The following ZFHX3 variants were observed in gnomAD, a reference collection of about 807,000 sequenced individuals.
ZFHX3 encodes the protein zinc finger homeobox protein 3.
In ZFHX3, 42 loss-of-function variants were observed where a neutral mutation model predicts 279.1. That is an observed-to-expected ratio of 0.15 (90% confidence interval 0.12 to 0.19). The LOEUF (loss-of-function observed/expected upper bound fraction) is 0.19, where lower values mean the gene tolerates loss of function less well. ZFHX3 is among the 10% of genes least tolerant of loss of function. The pLI is 1.00. For missense variants in ZFHX3, 4,981 were observed against 4,754.0 expected (o/e 1.05, Z -1.40); for synonymous variants, 2,293 against 1,957.8 (o/e 1.17, Z -4.52).
At chr16:73,170,472 C>T (rs1398581578) in intron 5 of ZFHX3, among the ~76,000 whole-genome samples, 5 of 151,930 alleles carry the variant, frequency 3.3e-5, no homozygotes, top group Non-Finnish European at 7.4e-5. Flanking sequence ...TCAGGTGATC[C>T]GCCTGCCTCG....
intron 1 of ZFHX3, among the ~76,000 whole-genome samples, chr16:73,707,753 TAA>T (rs67816114): frequency 6.1e-5 from 9 of 147,984 alleles, no homozygotes; most frequent in Non-Finnish European, 8.9e-5. Flanking sequence ...TAATAAAATT[TAA>T]AAAAAAAAAC....
chr16:73,863,267 G>T (rs145685849), intron 1 of ZFHX3, among the ~76,000 whole-genome samples: 3 of 152,292 alleles, frequency 2.0e-5, no homozygotes, highest in African/African-American at 7.2e-5. Flanking sequence ...GAGGAATGGG[G>T]TATTGAAAGT....
chr16:73,438,855 A>G (rs1276554886), intron 3 of ZFHX3, among the ~76,000 whole-genome samples: 4 of 152,216 alleles, frequency 2.6e-5, no homozygotes, highest in Non-Finnish European at 5.9e-5. Context: ...AGTGTTTTCC[A>G]ATGGAGAGAA....
chr16:73,688,879 T>A (rs1309608364), intron 1 of ZFHX3, among the ~76,000 whole-genome samples: 1 of 152,166 alleles, frequency 6.6e-6, no homozygotes, highest in African/African-American at 2.4e-5. Flanking sequence ...CCCTGCACCA[T>A]TTCTCTCCTC....
chr16:73,273,908 C>G lies in ZFHX3; in HGVS notation c.-1193-16772G>C, dbSNP rs531307071. ...CTGTAATCCCAGCACTTTGGGAGGC[C>G]GAGGCGGGTGGATCACCCGAGGTCA... On this transcript the variant is annotated intron_variant, in intron 4 of 17. Coordinates refer to the ZFHX3 transcript ENST00000641206. Among the ~76,000 whole-genome samples the G allele has an allele frequency of 1.2e-4, 18 of 152,098 alleles. 1 individual carries two copies. The highest frequency in any genetic ancestry group is 1.5e-4 in the Non-Finnish European group (10 of 67,982).
intron 5 of ZFHX3, among the ~76,000 whole-genome samples, chr16:73,174,115 C>T (rs1268670624): frequency 6.6e-6 from 1 of 152,116 alleles, no homozygotes; most frequent in African/African-American, 2.4e-5. Context: ...TTCCCCCAGG[C>T]GAGCCACCTT....
intron 1 of ZFHX3, among the ~76,000 whole-genome samples, chr16:73,054,369 C>G (rs1211252608): frequency 1.3e-5 from 2 of 149,334 alleles, no homozygotes; most frequent in East Asian, 3.9e-4. Context: ...CTCCCCCACA[C>G]CCGCCCCCCT....
intron 8 of ZFHX3, among the ~76,000 whole-genome samples, chr16:73,076,771 C>G (rs1356319238): frequency 6.6e-6 from 1 of 152,148 alleles, no homozygotes; most frequent in African/African-American, 2.4e-5. Context: ...GAGAACCGAT[C>G]CTGTCAGGAA....
At chr16:73,510,936 T>C (rs2019417681) in intron 2 of ZFHX3, among the ~76,000 whole-genome samples, 3 of 152,236 alleles carry the variant, frequency 2.0e-5, no homozygotes, top group Non-Finnish European at 4.4e-5. Flanking sequence ...TAGCAATTAA[T>C]GTGATGGTTA....
chr16:73,514,613 T>A (rs895859269), intron 2 of ZFHX3, among the ~76,000 whole-genome samples: 1 of 152,226 alleles, frequency 6.6e-6, no homozygotes, highest in African/African-American at 2.4e-5. Context: ...CATGTAACCA[T>A]CATAACTCTT....
chr16:73,150,841 T>G (rs1222281805), intron 5 of ZFHX3, among the ~76,000 whole-genome samples: 1 of 152,198 alleles, frequency 6.6e-6, no homozygotes, highest in Non-Finnish European at 1.5e-5. Flanking sequence ...TGAACTAAGT[T>G]GAACTGGATT....
intron 6 of ZFHX3, among the ~76,000 whole-genome samples, chr16:73,140,481 T>G (rs928518562): frequency 1.3e-5 from 2 of 152,124 alleles, no homozygotes; most frequent in African/African-American, 4.8e-5. Flanking sequence ...GAGTTCGGGT[T>G]AAAGGTTTCA....
At chr16:73,797,187 G>C (rs1307927798) in intron 1 of ZFHX3, among the ~76,000 whole-genome samples, 1 of 148,512 alleles carries the variant, frequency 6.7e-6, no homozygotes, top group Non-Finnish European at 1.5e-5. Context: ...TGGGTGACAA[G>C]AGTGAAACTC....
chr16:73,482,313 G>A (rs1386752120), intron 2 of ZFHX3, among the ~76,000 whole-genome samples: 1 of 152,138 alleles, frequency 6.6e-6, no homozygotes, highest in South Asian at 2.1e-4. Context: ...CCCCTTCCTA[G>A]GAACAGTGAG....
chr16:73,772,281 G>A (rs1432272999), intron 1 of ZFHX3, among the ~76,000 whole-genome samples: 2 of 152,214 alleles, frequency 1.3e-5, no homozygotes, highest in Non-Finnish European at 2.9e-5. Flanking sequence ...CATGGCCGGG[G>A]AGACCTCACA....
intron 7 of ZFHX3, among the ~76,000 whole-genome samples, chr16:73,122,993 T>C (rs1031012021): frequency 1.3e-5 from 2 of 152,100 alleles, no homozygotes; most frequent in African/African-American, 4.8e-5. Flanking sequence ...TGCTACGTTT[T>C]AAGAGACTGC....
intron 4 of ZFHX3, among the ~76,000 whole-genome samples, chr16:73,260,476 G>T (rs2013788273): frequency 6.6e-6 from 1 of 151,882 alleles, no homozygotes; most frequent in Non-Finnish European, 1.5e-5. Context: ...CTTCATTCTT[G>T]CTCCTGATGT....
chr16:73,160,239 T>C (rs1967197036), intron 5 of ZFHX3, among the ~76,000 whole-genome samples: 2 of 152,170 alleles, frequency 1.3e-5, no homozygotes, highest in South Asian at 4.1e-4. Context: ...TGTACCCTTC[T>C]GATGCTGAAG....
chr16:73,420,233 A>C (rs1168562355), intron 3 of ZFHX3: 1 of 152,208 alleles, frequency 6.6e-6, no homozygotes, highest in Non-Finnish European at 1.5e-5. Flanking sequence ...TACTTGAGGT[A>C]ATAAATATTT....
Sources: allele counts gnomAD v4.1 joint callset (sites outside exome capture counted in the v4.1 genomes callset), GRCh38; gene constraint gnomAD v4.1.1; transcripts MANE v1.5; gene names NCBI Gene and HGNC (gene_info 2026-07-23, HGNC 2026-07-21).